The following ANKFN1 variants were observed in gnomAD, a reference collection of about 807,000 sequenced individuals.
ANKFN1 encodes ankyrin repeat and fibronectin type III domain containing 1, also known as ankyrin repeat and fibronectin type-III domain-containing protein 1.
In ANKFN1, 74 loss-of-function variants were observed where a neutral mutation model predicts 108.7. The observed-to-expected ratio is 0.68, with a 90% CI of 0.56 to 0.83. The LOEUF (loss-of-function observed/expected upper bound fraction) is 0.83. Among genes scored for constraint, ANKFN1 ranks in the 40% least tolerant of loss-of-function variants. ANKFN1 has a pLI of 0.00. For synonymous variants in ANKFN1, 547 were observed against 516.2 expected, an observed-to-expected ratio of 1.06 and a Z score of -0.81; for missense variants, 1,505 against 1,382.3, an observed-to-expected ratio of 1.09 and a Z score of -1.41.
intron 18 of ANKFN1, among the ~76,000 whole-genome samples, chr17:56,487,416 C>G (rs1388532381): frequency 6.6e-6 from 1 of 152,118 alleles, no homozygotes; most frequent in Non-Finnish European, 1.5e-5. Flanking sequence ...GGAGGTCACC[C>G]TGCCCTGACC....
intron 20 of ANKFN1, among the ~76,000 whole-genome samples, chr17:56,509,670 A>G (rs2051681564): frequency 6.6e-6 from 1 of 152,228 alleles, no homozygotes; most frequent in South Asian, 2.1e-4. Flanking sequence ...GGGTAACAAC[A>G]AGGAGTGAAA....
At chr17:56,468,201 A>G (rs2050197586) in intron 15 of ANKFN1, among the ~76,000 whole-genome samples, 1 of 152,106 alleles carries the variant, frequency 6.6e-6, no homozygotes, top group South Asian at 2.1e-4. Flanking sequence ...AGAAGTCAGG[A>G]TTTTAGTGAG....
chr17:56,432,042 G>T (rs568314036), intron 8 of ANKFN1, among the ~76,000 whole-genome samples: 32 of 152,350 alleles, frequency 2.1e-4, no homozygotes, highest in African/African-American at 7.5e-4. Flanking sequence ...GCCTGTGGAA[G>T]CGCTGTCAGA....
intron 18 of ANKFN1, among the ~76,000 whole-genome samples, chr17:56,487,721 G>A (rs141670763): frequency 1.3e-5 from 2 of 152,202 alleles, no homozygotes; most frequent in East Asian, 1.9e-4. Context: ...TTCATAAAAC[G>A]AAAGCACTCC....
At chr17:56,195,504 T>A (rs1482518464) in intron 1 of ANKFN1, 4 of 152,206 alleles carry the variant, frequency 2.6e-5, no homozygotes, top group Admixed American at 6.5e-5. Flanking sequence ...CCATCTCTAA[T>A]TGCCTTATTT....
intron 4 of ANKFN1, among the ~76,000 whole-genome samples, chr17:56,341,135 G>C (rs1357504360): frequency 2.0e-5 from 3 of 151,910 alleles, no homozygotes; most frequent in Non-Finnish European, 2.9e-5. Context: ...AATGCTAGTA[G>C]TTTTGGCACA....
intron 1 of ANKFN1, among the ~76,000 whole-genome samples, chr17:56,208,887 T>C (rs1914742577): frequency 6.6e-6 from 1 of 151,846 alleles, no homozygotes; most frequent in Admixed American, 6.6e-5. Flanking sequence ...TTTATTATTA[T>C]TATTATTTTT....
At chr17:56,471,091 G>A (rs1309485822) in intron 15 of ANKFN1, 1 of 152,284 alleles carries the variant, frequency 6.6e-6, no homozygotes, top group East Asian at 1.9e-4. Context: ...CAAACCCAAA[G>A]AGGATGAGTG....
intron 8 of ANKFN1, among the ~76,000 whole-genome samples, chr17:56,394,968 T>A (rs980782626): frequency 6.6e-6 from 1 of 152,134 alleles, no homozygotes; most frequent in African/African-American, 2.4e-5. Flanking sequence ...GGCTCAAAAC[T>A]GAAACAAAAA....
At chr17:56,205,066 G>T (rs1418924569) in intron 1 of ANKFN1, among the ~76,000 whole-genome samples, 1 of 151,734 alleles carries the variant, frequency 6.6e-6, no homozygotes, top group Non-Finnish European at 1.5e-5. Context: ...GACAGAGCGG[G>T]ACTCCGTCTC....
At chr17:56,145,981 G>A (rs548810522) in intron 4 of ANKFN1, among the ~76,000 whole-genome samples, 1 of 152,292 alleles carries the variant, frequency 6.6e-6, no homozygotes, top group South Asian at 2.1e-4. Flanking sequence ...TCAAAAGCAA[G>A]TTAGTTACTT....
chr17:56,122,134 C>G (rs761819073), intron 4 of ANKFN1, among the ~76,000 whole-genome samples: 9 of 152,104 alleles, frequency 5.9e-5, no homozygotes, highest in Non-Finnish European at 1.2e-4. Context: ...TAGTGGCTTT[C>G]CGAGACTTGG....
At chr17:56,317,058 A>G (rs1453889100) in intron 3 of ANKFN1, among the ~76,000 whole-genome samples, 1 of 152,212 alleles carries the variant, frequency 6.6e-6, no homozygotes, top group African/African-American at 2.4e-5. Flanking sequence ...ATATCAGACC[A>G]TATGTCCAAT....
chr17:56,360,124 A>G (rs764038342), intron 6 of ANKFN1, among the ~76,000 whole-genome samples: 3 of 152,162 alleles, frequency 2.0e-5, no homozygotes, highest in Non-Finnish European at 4.4e-5. Context: ...GGTCTCTATA[A>G]TGAGCCCTCA....
At chr17:56,446,410 T>G (rs2049288300) in intron 10 of ANKFN1, among the ~76,000 whole-genome samples, 1 of 152,218 alleles carries the variant, frequency 6.6e-6, no homozygotes, top group South Asian at 2.1e-4. Context: ...GCAACGTTTA[T>G]TCTCACTGTG....
chr17:56,430,883 A>G (rs1450626662), intron 8 of ANKFN1, among the ~76,000 whole-genome samples: 3 of 152,328 alleles, frequency 2.0e-5, no homozygotes, highest in East Asian at 1.9e-4. Flanking sequence ...CCAGGACCCA[A>G]TGTTGTCTTG....
At position 56,354,138 on chromosome 17, in the gene ANKFN1, A is replaced by G. The variant is rs535532370; in HGVS notation, c.601+92A>G. Reference sequence around the variant, plus strand: ...GCCATTGCTGACTTTCAGAGCAGGAATGGTTGACTAAGCATAGACTCTGAT... The same window carrying G: ...GCCATTGCTGACTTTCAGAGCAGGAGTGGTTGACTAAGCATAGACTCTGAT... On this transcript the variant is annotated intron_variant, in intron 6 of 20. Transcript: ENST00000682825. 7.5e-5 allele frequency: 93 copies of G among 1,239,572 alleles called. 1 individual carries two copies. The Admixed American group carries it at 1.5e-3, about 20-fold the overall frequency. The allele number at this position is 1,239,572 out of a possible 1,614,324, so 76.8% of individuals were successfully genotyped here.
intron 1 of ANKFN1, among the ~76,000 whole-genome samples, chr17:56,157,513 T>C (rs1909226036): frequency 6.6e-6 from 1 of 152,206 alleles, no homozygotes; most frequent in African/African-American, 2.4e-5. Flanking sequence ...TGCAAATGGA[T>C]CTTCCTGGTG....
chr17:56,255,431 A>G (rs530273033), intron 3 of ANKFN1, among the ~76,000 whole-genome samples: 1 of 152,284 alleles, frequency 6.6e-6, no homozygotes, highest in South Asian at 2.1e-4. Flanking sequence ...AAAGACAATC[A>G]TTACTCTCTT....
Sources: gnomAD v4.1 joint callset for allele counts (sites outside exome capture counted in the v4.1 genomes callset) on GRCh38, gnomAD v4.1.1 for gene constraint, MANE v1.5 for transcripts, NCBI Gene and HGNC (gene_info 2026-07-23, HGNC 2026-07-21) for gene names.